The following INSIG2 variants were observed in gnomAD, a reference collection of about 807,000 sequenced individuals.
INSIG2 encodes insulin-induced gene 2 protein.
INSIG2 carries 10 observed loss-of-function variants against 27.2 expected under a neutral mutation model. The ratio of observed to expected loss-of-function variants is 0.37; its 90% CI spans 0.23 to 0.62. The LOEUF is 0.62. Ranked by LOEUF, INSIG2 falls within the 20% of genes least tolerant of loss-of-function variation. The probability of loss-of-function intolerance (pLI) is 0.65; values close to 1 mark genes in which losing one functional copy is unlikely to be tolerated. For synonymous variants in INSIG2, 97 were observed against 95.8 expected, an observed-to-expected ratio of 1.01 and a Z score of -0.07; for missense variants, 178 against 270.2, an observed-to-expected ratio of 0.66 and a Z score of 2.39.
chr2:118,096,454 G>C lies in INSIG2; in HGVS notation c.-103G>C. The C allele has an allele frequency of 1.7e-6, 2 of 1,185,022 alleles. No homozygotes were observed. The highest frequency in any genetic ancestry group is 2.3e-6 in the Non-Finnish European group (2 of 853,476). The allele number at this position is 1,185,022 out of a possible 1,614,324, so 73.4% of individuals were successfully genotyped here. A position where few individuals can be genotyped will look rare whatever the true frequency, so the allele number is the denominator to read the frequency against. ...AGGTCCTACTTTAGGACAAGATGTG[G>C]TACCGTTGAAGCGTCAGTCTTTGAT... is the stretch of plus-strand genomic sequence containing the variant. On this transcript the variant is annotated 5_prime_UTR_variant, in exon 2 of 6. Coordinates refer to ENST00000245787, the MANE Select transcript of INSIG2 (RefSeq NM_016133.4).
rs1464062584 is a variant in INSIG2, at chr2:118,107,114, T to C, written c.561T>C (p.Tyr187=). Residue 187 remains tyrosine, a synonymous_variant, in exon 5 of 6, where the codon TAT becomes TAC. Coordinates refer to ENST00000245787, the MANE Select transcript of INSIG2 (RefSeq NM_016133.4). Reference sequence around the variant, plus strand: ...GATATACATCTCCAGATTTCCTCTATGTTCGTTCTTGGTTACCATGTATAT... The same window carrying C: ...GATATACATCTCCAGATTTCCTCTACGTTCGTTCTTGGTTACCATGTATAT... ...VYQYTSPDFL[Y]VRSWLPCIFF... 1 of 1,612,616 alleles carries C rather than the reference T, an allele frequency of 6.2e-7. No homozygotes were observed. The highest frequency in any genetic ancestry group is 1.3e-5 in the African/African-American group (1 of 74,910).
chr2:118,095,779 G>T (rs1333633432), intron 1 of INSIG2, among the ~76,000 whole-genome samples: 1 of 152,156 alleles, frequency 6.6e-6, no homozygotes, highest in Non-Finnish European at 1.5e-5. Flanking sequence ...GACAGGAGTG[G>T]GATACAGTTG....
chr2:118,105,263 A>C (rs1223407059), intron 3 of INSIG2, among the ~76,000 whole-genome samples: 2 of 152,128 alleles, frequency 1.3e-5, no homozygotes, highest in African/African-American at 4.8e-5. Flanking sequence ...GGATGGTCTC[A>C]ATCTCCTGAC....
intron 1 of INSIG2, among the ~76,000 whole-genome samples, chr2:118,092,251 T>G (rs976940691): frequency 6.6e-6 from 1 of 152,194 alleles, no homozygotes; most frequent in African/African-American, 2.4e-5. Context: ...CAACGTGCTG[T>G]GTCTACTGGG....
At chr2:118,108,099 TA>T (rs1219109340) in intron 5 of INSIG2, among the ~76,000 whole-genome samples, 181 bp from the exon 6 acceptor site, 1 of 152,206 alleles carries the variant, frequency 6.6e-6, no homozygotes, top group African/African-American at 2.4e-5. Flanking sequence ...GAATGTGAAT[TA>T]TTTTTTTCCC....
chr2:118,098,202 C>T (rs1387230707), intron 2 of INSIG2, among the ~76,000 whole-genome samples: 1 of 152,116 alleles, frequency 6.6e-6, no homozygotes, highest in African/African-American at 2.4e-5. Flanking sequence ...TTCTTTTCTT[C>T]TATAGTATAG....
intron 3 of INSIG2, among the ~76,000 whole-genome samples, chr2:118,105,121 A>G (rs959652837): frequency 2.6e-5 from 4 of 152,114 alleles, no homozygotes; most frequent in African/African-American, 9.7e-5. Flanking sequence ...GCTCACTGCA[A>G]GCTTCGCCTC....
At chr2:118,096,858 CGTT>C in intron 2 of INSIG2, 58 bp downstream of exon 2, 1 of 1,542,812 alleles carries the variant, frequency 6.5e-7, no homozygotes, top group Non-Finnish European at 8.7e-7. Context: ...TGAGTATGGA[CGTT>C]GTCTGAGCAA....
At chr2:118,101,993 C>T (rs1158066250) in intron 2 of INSIG2, among the ~76,000 whole-genome samples, 3 of 152,136 alleles carry the variant, frequency 2.0e-5, no homozygotes, top group Admixed American at 1.3e-4. Context: ...ATTTTTGATA[C>T]TAATTGGTTT....
chr2:118,090,092 C>G (rs772784221), intron 1 of INSIG2, among the ~76,000 whole-genome samples: 1 of 152,096 alleles, frequency 6.6e-6, no homozygotes, highest in Non-Finnish European at 1.5e-5. Context: ...TGATTTAAGT[C>G]TGTTTTTTTC....
chr2:118,107,494 T>G (rs1342798877), intron 5 of INSIG2, among the ~76,000 whole-genome samples: 1 of 152,154 alleles, frequency 6.6e-6, no homozygotes, highest in African/African-American at 2.4e-5. Context: ...AAAAGGACAG[T>G]TTTAAAAGTT....
chr2:118,104,414 T>G (rs1389171355), intron 3 of INSIG2, among the ~76,000 whole-genome samples: 1 of 152,218 alleles, frequency 6.6e-6, no homozygotes, highest in Non-Finnish European at 1.5e-5. Flanking sequence ...GGTCTGTGAA[T>G]TTGGAAGTCC....
rs1257100765 is a variant in INSIG2 at position 118,106,883 on chromosome 2, A to G, written c.516A>G (p.Leu172=). 1.2e-6 allele frequency: 2 copies of G among 1,613,996 alleles called. No homozygotes were observed. Among genetic ancestry groups the G allele is most frequent in the Non-Finnish European group, 1.7e-6 (2 of 1,179,966 alleles). Residue 172 remains leucine (L), a synonymous_variant, in exon 4 of 6, where the codon CTA becomes CTG. Coordinates refer to ENST00000245787, the MANE Select transcript of INSIG2 (RefSeq NM_016133.4). ...AFLATVVTQL[L]VYNGVYQYTS... ...TGGCAACTGTGGTCACTCAACTGCT[A>G]GTATATAATGGTGTTTACCAGTAAG... is the stretch of plus-strand genomic sequence containing the variant.
At chr2:118,096,967 A>G (rs1678423133) in intron 2 of INSIG2, among the ~76,000 whole-genome samples, 167 bp downstream of exon 2, 1 of 152,242 alleles carries the variant, frequency 6.6e-6, no homozygotes, top group South Asian at 2.1e-4. Context: ...GTGTTTAGGC[A>G]AATGCGTACA....
At chr2:118,097,617 A>G (rs1678442729) in intron 2 of INSIG2, among the ~76,000 whole-genome samples, 1 of 152,190 alleles carries the variant, frequency 6.6e-6, no homozygotes, top group Non-Finnish European at 1.5e-5. Flanking sequence ...TACTTCCACA[A>G]TGGATAGCAC....
Position 118,108,455 on chromosome 2 carries a change from T to C in INSIG2, c.*133T>C. The C allele has an allele frequency of 1.5e-5, 9 of 602,664 alleles. No homozygotes were observed. The highest frequency in any genetic ancestry group is 5.9e-6 in the Non-Finnish European group (2 of 336,210). The allele number at this position is 602,664 out of a possible 1,614,324, so 37.3% of individuals were successfully genotyped here. A position where few individuals can be genotyped will look rare whatever the true frequency, so the allele number is the denominator to read the frequency against. On this transcript the variant is annotated 3_prime_UTR_variant, in exon 6 of 6. Coordinates refer to ENST00000245787, the MANE Select transcript of INSIG2 (RefSeq NM_016133.4). ...CCCTTGATTGGCGTGTGTGTATATATGGATAAATATATATATACACACACA... is the reference window on the plus strand; with the variant it reads ...CCCTTGATTGGCGTGTGTGTATATACGGATAAATATATATATACACACACA...
chr2:118,103,761 A>G (rs1357474049), intron 3 of INSIG2, among the ~76,000 whole-genome samples: 1 of 151,240 alleles, frequency 6.6e-6, no homozygotes, highest in African/African-American at 2.4e-5. Context: ...TTAAAGGTAG[A>G]TGCATTGGTT....
chr2:118,094,034 T>G (rs1488637658), intron 1 of INSIG2, among the ~76,000 whole-genome samples: 8 of 91,966 alleles, frequency 8.7e-5, no homozygotes, highest in African/African-American at 2.5e-4. Context: ...ATGATGATGA[T>G]GATGATGATG....
intron 1 of INSIG2, among the ~76,000 whole-genome samples, chr2:118,089,699 A>G (rs1274479286): frequency 6.6e-6 from 1 of 152,214 alleles, no homozygotes; most frequent in Non-Finnish European, 1.5e-5. Context: ...CATCTGCTGT[A>G]CAGTGACCAA....
Sources: allele counts gnomAD v4.1 joint callset (sites outside exome capture counted in the v4.1 genomes callset), GRCh38; gene constraint gnomAD v4.1.1; transcripts MANE v1.5; gene names NCBI Gene and HGNC (gene_info 2026-07-23, HGNC 2026-07-21).